The following CAST variants were observed in gnomAD, a reference collection of about 807,000 sequenced individuals.
CAST encodes MIR583 host.
A neutral mutation model predicts 119.6 loss-of-function variants in CAST; 76 were observed. The observed-to-expected ratio is 0.64, with a 90% confidence interval of 0.53 to 0.77. The LOEUF is 0.77. Ranked by LOEUF, CAST falls within the 30% of genes least tolerant of loss-of-function variation. The pLI, the probability that CAST is intolerant of heterozygous loss-of-function variation, is 0.00. For synonymous variants in CAST, 319 were observed against 331.6 expected (o/e 0.96, Z 0.41); for missense variants, 953 against 946.5 (o/e 1.01, Z -0.09).
At chr5:96,502,700 T>G in the CAST span, among the ~76,000 whole-genome samples, 1 of 151,810 alleles carries the variant, frequency 6.6e-6, no homozygotes, top group South Asian at 2.1e-4. Flanking sequence ...TATCTGCTTT[T>G]GGGGGTGAGG....
the CAST span, among the ~76,000 whole-genome samples, chr5:96,332,018 A>G: frequency 6.6e-6 from 1 of 152,222 alleles, no homozygotes; most frequent in African/African-American, 2.4e-5. Flanking sequence ...GTTAGGAGCC[A>G]GAAGCCCCTC....
chr5:96,746,316 T>G (rs1287654766), intron 16 of CAST, 26 bp from the exon 17 acceptor site: 26 of 1,389,740 alleles, frequency 1.9e-5, no homozygotes, highest in Non-Finnish European at 2.6e-5. Context: ...TCCAACTACT[T>G]TTTTTTTCCC....
chr5:96,122,814 C>T, the CAST span, among the ~76,000 whole-genome samples: 1 of 151,686 alleles, frequency 6.6e-6, no homozygotes, highest in Non-Finnish European at 1.5e-5. Context: ...ATGGCAGCAT[C>T]AGTTTTGTGT....
the CAST span, among the ~76,000 whole-genome samples, chr5:96,196,512 T>A: frequency 6.6e-6 from 1 of 152,038 alleles, no homozygotes; most frequent in Non-Finnish European, 1.5e-5. Context: ...TAGTTAGTGA[T>A]AGATTATTGG....
chr5:96,451,302 TAAGTA>T, the CAST span, among the ~76,000 whole-genome samples: 26 of 152,124 alleles, frequency 1.7e-4, no homozygotes, highest in African/African-American at 2.4e-5. Context: ...AATAAATAAA[TAAGTA>T]AAGTAATACA....
the CAST span, among the ~76,000 whole-genome samples, chr5:96,121,860 C>A: frequency 3.5e-3 from 533 of 152,014 alleles, 2 homozygotes; most frequent in African/African-American, 4.6e-3. Context: ...TCTCCACCCA[C>A]CCCCTGCCCA....
intron 1 of CAST, among the ~76,000 whole-genome samples, chr5:96,577,054 G>T (rs1477382611): frequency 2.0e-5 from 3 of 152,092 alleles, no homozygotes; most frequent in Non-Finnish European, 4.4e-5. Flanking sequence ...TCATTGCTTA[G>T]CTCCCACTTA....
chr5:95,998,209 A>G, the CAST span, among the ~76,000 whole-genome samples: 1 of 151,640 alleles, frequency 6.6e-6, no homozygotes. Context: ...TTTTCCATAC[A>G]TTTTCTGCTT....
At chr5:96,137,597 T>C in the CAST span, among the ~76,000 whole-genome samples, 2 of 152,130 alleles carry the variant, frequency 1.3e-5, no homozygotes, top group African/African-American at 4.8e-5. Context: ...TCTTCCAAAG[T>C]GGTTGTACCC....
the CAST span, among the ~76,000 whole-genome samples, chr5:96,069,279 GTATTTTAAGAATTTAAGATT>G: frequency 2.0e-5 from 3 of 151,684 alleles, no homozygotes; most frequent in Non-Finnish European, 4.4e-5. Flanking sequence ...AAATATATGT[GTATTTTAAGAATTTAAGATT>G]TATTTTAAGA....
At chr5:96,752,699 C>CA (rs1765383659) in intron 20 of CAST, among the ~76,000 whole-genome samples, 1 of 147,914 alleles carries the variant, frequency 6.8e-6, no homozygotes, top group Admixed American at 6.9e-5. Context: ...ATCAGAAAAA[C>CA]AGCTTTTCTT....
chr5:96,159,072 T>A, the CAST span, among the ~76,000 whole-genome samples: 189 of 152,338 alleles, frequency 1.2e-3, no homozygotes, highest in Middle Eastern at 6.8e-3. Flanking sequence ...GAATTTGATG[T>A]AGATTTTCCT....
At chr5:96,452,456 C>G in the CAST span, among the ~76,000 whole-genome samples, 1 of 151,862 alleles carries the variant, frequency 6.6e-6, no homozygotes, top group East Asian at 1.9e-4. Flanking sequence ...AATACATGGA[C>G]ACAAGGAGGG....
chr5:95,962,841 G>A, the CAST span, among the ~76,000 whole-genome samples: 9 of 152,190 alleles, frequency 5.9e-5, no homozygotes, highest in African/African-American at 2.2e-4. Flanking sequence ...TGATAGGGCT[G>A]TGTGAAAACC....
At chr5:96,731,196 C>T (rs184052446) in intron 9 of CAST, among the ~76,000 whole-genome samples, 12 of 152,258 alleles carry the variant, frequency 7.9e-5, no homozygotes, top group Middle Eastern at 3.4e-3. Flanking sequence ...GCATTTGAAT[C>T]GGCTTTTTCA....
chr5:96,060,876 G>C, the CAST span, among the ~76,000 whole-genome samples: 1 of 152,144 alleles, frequency 6.6e-6, no homozygotes, highest in Non-Finnish European at 1.5e-5. Flanking sequence ...AGAAGTCCCA[G>C]GTCAAGGTCT....
the CAST span, among the ~76,000 whole-genome samples, chr5:96,077,980 AT>A: frequency 6.6e-6 from 1 of 152,114 alleles, no homozygotes; most frequent in African/African-American, 2.4e-5. Flanking sequence ...ACATTAGAAC[AT>A]TTTTTTCTTA....
At chr5:96,156,517 G>A in the CAST span, among the ~76,000 whole-genome samples, 1 of 152,134 alleles carries the variant, frequency 6.6e-6, no homozygotes, top group African/African-American at 2.4e-5. Flanking sequence ...TTTAGAGGAG[G>A]AATATGAATG....
chr5:96,480,917 G>T, the CAST span, among the ~76,000 whole-genome samples: 1 of 152,086 alleles, frequency 6.6e-6, no homozygotes, highest in African/African-American at 2.4e-5. Context: ...CAAGTATTTT[G>T]GACATAAAGG....
Sources: gnomAD v4.1 joint callset for allele counts (sites outside exome capture counted in the v4.1 genomes callset) on GRCh38, gnomAD v4.1.1 for gene constraint, MANE v1.5 for transcripts, NCBI Gene and HGNC (gene_info 2026-07-23, HGNC 2026-07-21) for gene names.